ARHGAP20: variants seen among roughly 807,000 people sequenced by gnomAD.
ARHGAP20 encodes Rho GTPase activating protein 20.
In ARHGAP20, 34 loss-of-function variants were observed where a neutral mutation model predicts 73.7. The observed-to-expected ratio is 0.46, with a 90% CI of 0.35 to 0.61. ARHGAP20 has a LOEUF of 0.61. Among genes scored for constraint, ARHGAP20 ranks in the 20% least tolerant of loss-of-function variants. The pLI is 0.00. For missense variants in ARHGAP20, 1,314 were observed against 1,420.9 expected (o/e 0.92, Z 1.21); for synonymous variants, 523 against 518.2 (o/e 1.01, Z -0.13).
At chr11:110,585,739 TA>T (rs1947647094) in intron 12 of ARHGAP20, among the ~76,000 whole-genome samples, 1 of 152,120 alleles carries the variant, frequency 6.6e-6, no homozygotes, top group African/African-American at 2.4e-5. Context: ...TTCAAGGACT[TA>T]ACTGTGTCTT....
At chr11:110,656,747 C>T (rs1436898080) in intron 2 of ARHGAP20, among the ~76,000 whole-genome samples, 2 of 152,204 alleles carry the variant, frequency 1.3e-5, no homozygotes, top group Non-Finnish European at 2.9e-5. Flanking sequence ...GGCTCTCTTC[C>T]ATCTCCTGAA....
At chr11:110,590,441 C>A (rs1182244052) in intron 11 of ARHGAP20, among the ~76,000 whole-genome samples, 1 of 152,098 alleles carries the variant, frequency 6.6e-6, no homozygotes, top group East Asian at 1.9e-4. Flanking sequence ...AAAAGCATAT[C>A]TGATATGTCA....
intron 2 of ARHGAP20, among the ~76,000 whole-genome samples, chr11:110,672,700 C>G (rs1157597489): frequency 6.6e-6 from 1 of 152,126 alleles, no homozygotes; most frequent in Non-Finnish European, 1.5e-5. Context: ...AAATGTTGGT[C>G]TTGGCTAAAA....
In ARHGAP20 at chr11:110,688,995, T is replaced by C. The variant is rs1265403371; in HGVS notation, c.188+1552A>G. Among the ~76,000 whole-genome samples, 4 of 145,956 alleles carry C rather than the reference T, an allele frequency of 2.7e-5. 1 individual carries two copies. Among genetic ancestry groups the C allele is most frequent in the African/African-American group, 1.1e-4 (4 of 38,024 alleles). ...ATACTGAAAAACTTCCATACTTTCA[T>C]ATAGTTTTTTTTTTTTTTTTGGAGA... On this transcript the variant is annotated intron_variant, in intron 2 of 14. Coordinates refer to ENST00000683387, the MANE Select transcript of ARHGAP20 (RefSeq NM_001384657.1).
rs997000646 is a variant in ARHGAP20 at position 110,577,169 on chromosome 11, A to G, written c.*2201T>C. Reference sequence around the variant, plus strand: ...CAGCAGTTTCTGCAAGTACAAAAATACACATTTATTACATAACATATGGTA... The same window carrying G: ...CAGCAGTTTCTGCAAGTACAAAAATGCACATTTATTACATAACATATGGTA... On this transcript the variant is annotated 3_prime_UTR_variant, in exon 15 of 15. Coordinates refer to ENST00000683387, the MANE Select transcript of ARHGAP20 (RefSeq NM_001384657.1). The G allele has an allele frequency of 2.0e-6, 3 of 1,534,334 alleles. No individual in the cohort carries two copies. The highest frequency in any genetic ancestry group is 2.6e-6 in the Non-Finnish European group (3 of 1,146,078).
chr11:110,709,341 A>T (rs1950604910), intron 1 of ARHGAP20, among the ~76,000 whole-genome samples: 1 of 152,222 alleles, frequency 6.6e-6, no homozygotes, highest in Non-Finnish European at 1.5e-5. Context: ...GGAAAATCTA[A>T]TATATAGCAG....
At chr11:110,674,992 C>G (rs576242254) in intron 2 of ARHGAP20, among the ~76,000 whole-genome samples, 1 of 152,284 alleles carries the variant, frequency 6.6e-6, no homozygotes, top group African/African-American at 2.4e-5. Context: ...CACAGGTATA[C>G]ACGTGCTATG....
chr11:110,671,866 T>C (rs1230506561), intron 2 of ARHGAP20, among the ~76,000 whole-genome samples: 2 of 152,154 alleles, frequency 1.3e-5, no homozygotes, highest in Admixed American at 1.3e-4. Context: ...TCTACAAAGG[T>C]TCCAGAGTGA....
intron 4 of ARHGAP20, among the ~76,000 whole-genome samples, chr11:110,622,717 A>G (rs1266683271): frequency 6.6e-6 from 1 of 152,094 alleles, no homozygotes; most frequent in African/African-American, 2.4e-5. Flanking sequence ...AATATAGCTC[A>G]CTGTGTGTTT....
intron 2 of ARHGAP20, among the ~76,000 whole-genome samples, chr11:110,676,419 A>G (rs1182500379): frequency 6.6e-6 from 1 of 152,206 alleles, no homozygotes; most frequent in African/African-American, 2.4e-5. Flanking sequence ...AAGGGGAAGC[A>G]AACATGTCCT....
intron 9 of ARHGAP20, among the ~76,000 whole-genome samples, chr11:110,605,148 T>C (rs2134871625): frequency 6.6e-6 from 1 of 152,186 alleles, no homozygotes; most frequent in South Asian, 2.1e-4. Flanking sequence ...ACGATAACCA[T>C]GGAATTCAAG....
At chr11:110,605,817 C>T (rs1359594737) in intron 9 of ARHGAP20, among the ~76,000 whole-genome samples, 1 of 152,158 alleles carries the variant, frequency 6.6e-6, no homozygotes, top group Non-Finnish European at 1.5e-5. Flanking sequence ...TGGTTCTTTG[C>T]AAAACGCAAA....
At chr11:110,608,197 A>G (rs1283049873) in intron 8 of ARHGAP20, among the ~76,000 whole-genome samples, 2 of 152,206 alleles carry the variant, frequency 1.3e-5, no homozygotes, top group Non-Finnish European at 2.9e-5. Flanking sequence ...TCTGGCAGGT[A>G]GTAAGCATTT....
Position 110,582,400 on chromosome 11 carries a change from G to A in ARHGAP20, c.1641C>T (p.Cys547=), listed in dbSNP as rs1392026946. 1 of 1,613,606 alleles carries A rather than the reference G, an allele frequency of 6.2e-7. No homozygotes were observed. Among genetic ancestry groups the A allele is most frequent in the Non-Finnish European group, 8.5e-7 (1 of 1,179,626 alleles). The part of the protein sequence containing the change: ...SLLIQFLIEN[C]LRIFGEEITS... ...TGATTTCTTCTCCAAATATCCTAAG[G>A]CAATTCTCAATCAGAAATTGTATAA... Residue 547 remains cysteine (C), a synonymous_variant, in exon 14 of 15, where the codon TGC becomes TGT. Coordinates refer to ENST00000683387, the MANE Select transcript of ARHGAP20 (RefSeq NM_001384657.1).
chr11:110,578,117 G>A lies in ARHGAP20; in HGVS notation c.*1253C>T. On this transcript the variant is annotated 3_prime_UTR_variant, in exon 15 of 15. Coordinates refer to ENST00000683387, the MANE Select transcript of ARHGAP20 (RefSeq NM_001384657.1). ...ATAATCTATTCCTAGGTGACGAGAT[G>A]TACTGCTGCAACCTTTAAGTCAAGA... is the stretch of plus-strand genomic sequence containing the variant. 3 of 985,466 alleles carry A rather than the reference G, an allele frequency of 3.0e-6. No homozygotes were observed. Among genetic ancestry groups the A allele is most frequent in the Non-Finnish European group, 3.6e-6 (3 of 829,956 alleles). 61.0% of individuals were successfully genotyped at this position (985,466 alleles called of 1,614,324 possible). A position where few individuals can be genotyped will look rare whatever the true frequency, so the allele number is the denominator to read the frequency against.
chr11:110,669,243 G>T (rs745898785), intron 2 of ARHGAP20, among the ~76,000 whole-genome samples: 162 of 152,110 alleles, frequency 1.1e-3, no homozygotes, highest in Non-Finnish European at 1.7e-3. Flanking sequence ...GAACTGTGCT[G>T]CCAGTAGAAT....
chr11:110,656,215 CTTGTT>C (rs1949463123), intron 2 of ARHGAP20, among the ~76,000 whole-genome samples: 1 of 152,054 alleles, frequency 6.6e-6, no homozygotes, highest in Non-Finnish European at 1.5e-5. Context: ...ACTCCTACTG[CTTGTT>C]ACTCAGCATT....
intron 1 of ARHGAP20, among the ~76,000 whole-genome samples, chr11:110,709,982 C>G (rs1950616612): frequency 6.6e-6 from 1 of 152,176 alleles, no homozygotes; most frequent in Non-Finnish European, 1.5e-5. Context: ...ACACTGGCAA[C>G]AGTGGAGATG....
intron 9 of ARHGAP20, among the ~76,000 whole-genome samples, chr11:110,605,905 A>G (rs988860318): frequency 6.6e-6 from 1 of 151,748 alleles, no homozygotes; most frequent in African/African-American, 2.4e-5. Context: ...TATCTCACTC[A>G]TACTTTTTGA....
Sources: allele counts gnomAD v4.1 joint callset (sites outside exome capture counted in the v4.1 genomes callset), GRCh38; gene constraint gnomAD v4.1.1; transcripts MANE v1.5; gene names NCBI Gene and HGNC (gene_info 2026-07-23, HGNC 2026-07-21).